Variants in GRM4 observed in about 807,000 individuals in gnomAD.
The protein encoded by GRM4 is metabotropic glutamate receptor 4.
A neutral mutation model predicts 81.7 loss-of-function variants in GRM4; 28 were observed. The observed-to-expected ratio is 0.34, with a 90% CI of 0.25 to 0.47. The LOEUF is 0.47. Ranked by LOEUF, GRM4 falls within the 20% of genes least tolerant of loss-of-function variation. The pLI, the probability that GRM4 is intolerant of heterozygous loss-of-function variation, is 1.00. For missense variants in GRM4, 948 were observed against 1,290.0 expected, an observed-to-expected ratio of 0.73 and a Z score of 4.06; for synonymous variants, 488 against 528.8, an observed-to-expected ratio of 0.92 and a Z score of 1.06.
chr6:34,122,005 T>C lies in GRM4; in HGVS notation c.519+10973A>G, dbSNP rs373419187. Among the ~76,000 whole-genome samples, 13 of 152,030 alleles carry C rather than the reference T, an allele frequency of 8.6e-5. No homozygotes were observed. In the East Asian group the frequency reaches 2.2e-3, roughly 25 times the overall value. On this transcript the variant is annotated intron_variant, in intron 2 of 10. Coordinates refer to ENST00000538487, the MANE Select transcript of GRM4 (RefSeq NM_000841.4). ...CGGGTGCCCACCAGGAAGTGCTCAG[T>C]ACTGAGATGCCCGAGGCCGTAATCA...
chr6:34,122,597 G>A (rs139950187), intron 2 of GRM4, among the ~76,000 whole-genome samples: 2 of 142,896 alleles, frequency 1.4e-5, no homozygotes, highest in African/African-American at 5.1e-5. Flanking sequence ...AAGGCACATG[G>A]TTCATTCAGC....
chr6:34,056,333 C>T, intron 6 of GRM4: 1 of 583,132 alleles, frequency 1.7e-6, no homozygotes. Flanking sequence ...TCCCAAGGAT[C>T]TCAAGGCCAC....
At chr6:34,065,716 G>A (rs1337132139) in intron 3 of GRM4, among the ~76,000 whole-genome samples, 2 of 152,194 alleles carry the variant, frequency 1.3e-5, no homozygotes, top group African/African-American at 4.8e-5. Context: ...CGCCGGCCAG[G>A]GGCAGGAAGC....
At chr6:34,065,093 C>A (rs1448699628) in intron 3 of GRM4, among the ~76,000 whole-genome samples, 2 of 152,158 alleles carry the variant, frequency 1.3e-5, no homozygotes, top group Non-Finnish European at 2.9e-5. Flanking sequence ...TCTTCTGCAG[C>A]CCCTGTTGTT....
chr6:34,043,565 G>A (rs1181100428), intron 6 of GRM4, among the ~76,000 whole-genome samples: 1 of 152,184 alleles, frequency 6.6e-6, no homozygotes, highest in Non-Finnish European at 1.5e-5. Context: ...GGCCGCTGCA[G>A]AGAGAAGGCA....
intron 1 of GRM4, among the ~76,000 whole-genome samples, chr6:34,153,185 C>T (rs968299301): frequency 6.6e-6 from 1 of 152,206 alleles, no homozygotes; most frequent in East Asian, 1.9e-4. Flanking sequence ...ACACCCAGCT[C>T]ATCCCTATAT....
rs908116314 is a variant in GRM4, at chr6:34,062,130, A to C, written c.737-102T>G. 9 of 1,276,856 alleles carry C rather than the reference A, an allele frequency of 7.0e-6. No individual in the cohort carries two copies. In the African/African-American group the frequency reaches 1.0e-4, roughly 15 times the overall value. The allele number at this position is 1,276,856 out of a possible 1,614,324, so 79.1% of individuals were successfully genotyped here. A position where few individuals can be genotyped will look rare whatever the true frequency, so the allele number is the denominator to read the frequency against. The stretch of plus-strand genomic sequence containing the variant: ...GGGAGATGGGGGCTGGGTGCTGCCC[A>C]GGCTCCCCAGCCTGACTCCCAGCCC... On this transcript the variant is annotated intron_variant, in intron 3 of 10. Transcript: ENST00000538487.
At position 34,130,835 on chromosome 6, in the gene GRM4, T is replaced by C. The variant is rs918485088; in HGVS notation, c.519+2143A>G. ...GGCTGGACCAGGCTGTTTTACCATC[T>C]TTCTAAAAGACCCAGAGTCACTAAA... On this transcript the variant is annotated intron_variant, in intron 2 of 10. Transcript: ENST00000538487. This position sits in a 1 kb window ranked among gnomAD's most constrained non-coding sequence, Gnocchi z 4.1. Among the ~76,000 whole-genome samples, 1 of 152,216 alleles carries C rather than the reference T, an allele frequency of 6.6e-6. No homozygotes were observed. Among genetic ancestry groups the C allele is most frequent in the African/African-American group, 2.4e-5 (1 of 41,456 alleles).
At position 34,136,848 on chromosome 6, in the gene GRM4, C is replaced by T. The variant is rs1770478396; in HGVS notation, c.-363-2989G>A. Among the ~76,000 whole-genome samples the T allele has an allele frequency of 6.6e-6, 1 of 152,094 alleles. No homozygotes were observed. The highest frequency in any genetic ancestry group is 1.5e-5 in the Non-Finnish European group (1 of 68,032). On this transcript the variant is annotated intron_variant, in intron 1 of 10. Transcript: ENST00000538487. The surrounding 1 kb of genome is among the most constrained non-coding windows in gnomAD (Gnocchi z 4.1). ...CCACTGCCTCTTTTAGCTTCCCCTC[C>T]CTCCTTTGATCATGTAACAGGAACA...
At chr6:34,148,894 G>A (rs980991537), upstream of GRM4, among the ~76,000 whole-genome samples, 1 of 152,124 alleles carries the variant, frequency 6.6e-6, no homozygotes, top group South Asian at 2.1e-4. Flanking sequence ...TGACCCGCCC[G>A]TTCCTGCACC....
chr6:34,030,653 T>C (rs941023562), intron 9 of GRM4, among the ~76,000 whole-genome samples: 3 of 152,204 alleles, frequency 2.0e-5, no homozygotes, highest in African/African-American at 7.2e-5. Context: ...TGCCTAGCTC[T>C]CAGTTTAAGG....
At chr6:34,046,056 T>G (rs900607564) in intron 6 of GRM4, among the ~76,000 whole-genome samples, 6 of 152,104 alleles carry the variant, frequency 3.9e-5, no homozygotes, top group African/African-American at 1.2e-4. Flanking sequence ...GTTGAAATAA[T>G]CAGAGTCCTT....
chr6:34,045,356 C>G (rs1765317347), intron 6 of GRM4, among the ~76,000 whole-genome samples: 1 of 152,242 alleles, frequency 6.6e-6, no homozygotes, highest in Admixed American at 6.5e-5. Context: ...CTTCCCACAG[C>G]TCTGGGAGAC....
At chr6:34,027,798 G>A (rs1304140364) in intron 10 of GRM4, among the ~76,000 whole-genome samples, 1 of 152,236 alleles carries the variant, frequency 6.6e-6, no homozygotes, top group African/African-American at 2.4e-5. Flanking sequence ...TCAGGGCCCA[G>A]GCGCCCCCTG....
chr6:34,083,649 C>T (rs577580943), intron 3 of GRM4, among the ~76,000 whole-genome samples: 140 of 152,302 alleles, frequency 9.2e-4, no homozygotes, highest in African/African-American at 2.7e-3. Flanking sequence ...TCCCCTGCGT[C>T]CTGGGAAAAC....
In GRM4 at chr6:34,078,435, A is replaced by G. The variant is rs1024529939; in HGVS notation, c.736+13448T>C. On this transcript the variant is annotated intron_variant, in intron 3 of 10. Coordinates refer to ENST00000538487, the MANE Select transcript of GRM4 (RefSeq NM_000841.4). The surrounding 1 kb of genome is among the most constrained non-coding windows in gnomAD (Gnocchi z 4.8). ...TGACCATTTTACAGATAAGGAAACC[A>G]AGCCCCACCAGCCAGAGCCCAGTGC... Among the ~76,000 whole-genome samples the G allele has an allele frequency of 3.3e-5, 5 of 152,066 alleles. No individual in the cohort carries two copies. Among genetic ancestry groups the G allele is most frequent in the Non-Finnish European group, 5.9e-5 (4 of 67,992 alleles).
At position 34,021,066 on chromosome 6, in the gene GRM4, C is replaced by T. The variant is rs1168511523; in HGVS notation, c.*1755G>A. On this transcript the variant is annotated 3_prime_UTR_variant, in exon 11 of 11. Coordinates refer to ENST00000538487, the MANE Select transcript of GRM4 (RefSeq NM_000841.4). This position sits in a 1 kb window ranked among gnomAD's most constrained non-coding sequence, Gnocchi z 5.3. ...GTGTTTCTGGCTCTATAATTTACCC[C>T]AGCCAGAGCCCAGCCCCTAAGCGCT... 6.6e-6 allele frequency: 1 copy of T among 152,168 alleles called. No individual in the cohort carries two copies. Among genetic ancestry groups the T allele is most frequent in the Non-Finnish European group, 1.5e-5 (1 of 68,064 alleles). The allele number at this position is 152,168 out of a possible 1,614,324, so 9.4% of individuals were successfully genotyped here. A position where few individuals can be genotyped will look rare whatever the true frequency, so the allele number is the denominator to read the frequency against.
upstream of GRM4, among the ~76,000 whole-genome samples, chr6:34,146,979 A>G (rs1336004856): frequency 6.6e-6 from 1 of 151,624 alleles, no homozygotes; most frequent in Non-Finnish European, 1.5e-5. Context: ...TCTCCAGACT[A>G]TGCTAGGCCA....
In GRM4 at chr6:34,078,334, C is replaced by T. The variant is rs1029378541; in HGVS notation, c.736+13549G>A. 2.0e-5 allele frequency among the ~76,000 whole-genome samples: 3 copies of T among 152,096 alleles called. No homozygotes were observed. Among genetic ancestry groups the T allele is most frequent in the Non-Finnish European group, 4.4e-5 (3 of 68,016 alleles). ...CATTGCACAGCCCCTCATGTTCACA[C>T]AGCACTCCCAGTAGAGTAACCTTTC... On this transcript the variant is annotated intron_variant, in intron 3 of 10. Coordinates refer to ENST00000538487, the MANE Select transcript of GRM4 (RefSeq NM_000841.4). This position sits in a 1 kb window ranked among gnomAD's most constrained non-coding sequence, Gnocchi z 4.8.
Sources: allele counts gnomAD v4.1 joint callset (sites outside exome capture counted in the v4.1 genomes callset), GRCh38; gene constraint gnomAD v4.1.1; non-coding constraint Gnocchi (gnomAD v3.1); transcripts MANE v1.5; gene names NCBI Gene and HGNC (gene_info 2026-07-23, HGNC 2026-07-21).